The following ARID2 variants were observed in gnomAD, a reference collection of about 807,000 sequenced individuals.
ARID2 encodes the protein AT-rich interactive domain-containing protein 2.
Under a neutral mutation model 184.6 loss-of-function variants are expected in ARID2, and 32 were observed. The observed-to-expected ratio is 0.17, with a 90% CI of 0.13 to 0.23. The LOEUF is 0.23. Ranked by LOEUF, ARID2 falls within the 10% of genes least tolerant of loss-of-function variation. ARID2 has a pLI of 1.00. For synonymous variants in ARID2, 836 were observed against 772.6 expected, an observed-to-expected ratio of 1.08 and a Z score of -1.36; for missense variants, 1,696 against 2,197.6, an observed-to-expected ratio of 0.77 and a Z score of 4.56.
At chr12:45,889,654 G>A (rs952911893) in intron 16 of ARID2, among the ~76,000 whole-genome samples, 5 of 152,094 alleles carry the variant, frequency 3.3e-5, no homozygotes, top group Non-Finnish European at 2.9e-5. Flanking sequence ...CTCAGGTATC[G>A]GCCAGGCACG....
intron 16 of ARID2, among the ~76,000 whole-genome samples, chr12:45,889,852 C>T (rs557601370): frequency 2.6e-5 from 4 of 152,296 alleles, no homozygotes; most frequent in Non-Finnish European, 4.4e-5. Context: ...GCAGGAGAAT[C>T]GCTTGAACCC....
At chr12:45,789,813 T>C (rs1490007575) in intron 3 of ARID2, among the ~76,000 whole-genome samples, 5 of 152,170 alleles carry the variant, frequency 3.3e-5, no homozygotes. Flanking sequence ...CCAAGTAATA[T>C]ATTTTTTAAA....
intron 5 of ARID2, among the ~76,000 whole-genome samples, chr12:45,818,301 C>T (rs1195670356): frequency 6.6e-6 from 1 of 152,130 alleles, no homozygotes; most frequent in Non-Finnish European, 1.5e-5. Flanking sequence ...CAACGTAAGG[C>T]TTATCAAAGG....
At chr12:45,896,032 C>T (rs1171692774) in intron 20 of ARID2, among the ~76,000 whole-genome samples, 1 of 152,176 alleles carries the variant, frequency 6.6e-6, no homozygotes, top group Non-Finnish European at 1.5e-5. Context: ...AAGTATTCTA[C>T]AGATTCAGTG....
rs1422008879 is a variant in ARID2 at position 45,906,332 on chromosome 12, T to C, written c.*1254T>C. On this transcript the variant is annotated 3_prime_UTR_variant, in exon 21 of 21. Coordinates refer to ENST00000334344, the MANE Select transcript of ARID2 (RefSeq NM_152641.4). ...AAACTGCTCACTTCCTTAAATTGTC[T>C]TTTTTCCCCCAGCGTGAAATGTATC... 1 of 232,804 alleles carries C rather than the reference T, an allele frequency of 4.3e-6. No individual in the cohort carries two copies. The highest frequency in any genetic ancestry group is 5.6e-5 in the Admixed American group (1 of 17,746). The allele number at this position is 232,804 out of a possible 1,614,324, so 14.4% of individuals were successfully genotyped here.
intron 18 of ARID2, 119 bp from the exon 19 acceptor site, chr12:45,893,301 C>G: frequency 8.0e-7 from 1 of 1,254,706 alleles, no homozygotes; most frequent in Non-Finnish European, 1.1e-6. Context: ...CCTTTAGTCA[C>G]CCTGTAAACA....
At chr12:45,793,730 CAT>C (rs550416206) in intron 3 of ARID2, among the ~76,000 whole-genome samples, 1 of 150,186 alleles carries the variant, frequency 6.7e-6, no homozygotes. Flanking sequence ...AGATATTCTA[CAT>C]ATATATATAT....
Position 45,888,475 on chromosome 12 carries a change from C to T in ARID2, c.4923-3305C>T, listed in dbSNP as rs145571543. On this transcript the variant is annotated intron_variant, in intron 16 of 20. Coordinates refer to ENST00000334344, the MANE Select transcript of ARID2 (RefSeq NM_152641.4). ...GCCACTAACTTGAAGGTGGACCAAA[C>T]GTTACTTAGCAAAGCTTGGCAATTT... Among the ~76,000 whole-genome samples the T allele has an allele frequency of 7.2e-5, 11 of 152,246 alleles. No individual in the cohort carries two copies. The East Asian group carries it at 2.1e-3, about 29-fold the overall frequency.
rs773280858 is a variant in ARID2, at chr12:45,891,782, G to T, written c.4925G>T (p.Trp1642Leu). The change falls in exon 17 of 21, where the codon TGG becomes TTG. Residue 1642 changes from tryptophan (W) to leucine (L), a missense_variant and splice_region_variant. By Grantham distance (61) the Trp-to-Leu change is moderately conservative. Transcript: ENST00000334344. ...FMCLWQSCKK[W>L]FQTPSQVFYH... ...TCTACTACTTTTATTTTTTATAGGT[G>T]GTTTCAGACACCCTCACAGGTTTTC... The T allele has an allele frequency of 6.2e-7, 1 of 1,612,624 alleles. No individual in the cohort carries two copies. Among genetic ancestry groups the T allele is most frequent in the South Asian group, 1.1e-5 (1 of 90,572 alleles).
Position 45,807,693 on chromosome 12 carries a change from AAC to A in ARID2, c.285-3723_285-3722del, listed in dbSNP as rs527577061. Among the ~76,000 whole-genome samples the A allele has an allele frequency of 4.2e-4, 64 of 152,304 alleles. No individual in the cohort carries two copies. In the East Asian group the frequency reaches 0.012, roughly 29 times the overall value. ...TGTGGTTAGAAAATGTGCCCTATAT[AAC>A]ATATAATCTTAAATTTATTGTAGTT... On this transcript the variant is annotated intron_variant, in intron 3 of 20. Transcript: ENST00000334344.
chr12:45,886,837 G>A (rs1944201080), intron 16 of ARID2, among the ~76,000 whole-genome samples: 1 of 152,210 alleles, frequency 6.6e-6, no homozygotes, highest in South Asian at 2.1e-4. Flanking sequence ...AGGGCATCAA[G>A]TCCCTAGGCT....
chr12:45,729,769 G>A lies in ARID2; in HGVS notation c.-68G>A. ...AATGGGCTCCGGGCTCTGGTAGGAAGCGCTGGGAGCGGGGGGCGCTTTTAA... is the reference window on the plus strand; with the variant it reads ...AATGGGCTCCGGGCTCTGGTAGGAAACGCTGGGAGCGGGGGGCGCTTTTAA... On this transcript the variant is annotated 5_prime_UTR_variant, in exon 1 of 21. Transcript: ENST00000334344. 2.7e-6 allele frequency: 4 copies of A among 1,456,124 alleles called. No homozygotes were observed. Among genetic ancestry groups the A allele is most frequent in the Non-Finnish European group, 3.8e-6 (4 of 1,064,802 alleles). The allele number at this position is 1,456,124 out of a possible 1,614,324, so 90.2% of individuals were successfully genotyped here.
At position 45,850,380 on chromosome 12, in the gene ARID2, C is replaced by A. The variant is rs2138161405; in HGVS notation, c.2257C>A (p.Pro753Thr). Residue 753 changes from proline (P) to threonine (T), a missense_variant, in exon 15 of 21, where the codon CCT becomes ACT. Pro to Thr is a conservative substitution (Grantham distance 38). This residue lies in a region of ARID2 where 713 missense variants were observed against 824.4 expected (regional missense o/e 0.86). Transcript: ENST00000334344. Reference protein sequence around the residue: ...VVQNHSTGPQPVTVVNSQTLL... With the variant: ...VVQNHSTGPQTVTVVNSQTLL... ...TCAGAATCATAGTACAGGGCCACAACCTGTTACAGTTGTGAATTCTCAGAC... is the reference window on the plus strand; with the variant it reads ...TCAGAATCATAGTACAGGGCCACAAACTGTTACAGTTGTGAATTCTCAGAC... The A allele has an allele frequency of 6.2e-7, 1 of 1,614,070 alleles. No homozygotes were observed. Among genetic ancestry groups the A allele is most frequent in the Non-Finnish European group, 8.5e-7 (1 of 1,179,984 alleles).
intron 3 of ARID2, among the ~76,000 whole-genome samples, chr12:45,810,733 G>A (rs188735044): frequency 5.3e-5 from 8 of 152,216 alleles, no homozygotes; most frequent in Non-Finnish European, 1.0e-4. Context: ...TGAATTTGTA[G>A]AGGTCAAGGG....
chr12:45,873,916 A>C (rs1943966755), intron 16 of ARID2: 1 of 152,170 alleles, frequency 6.6e-6, no homozygotes, highest in Admixed American at 6.5e-5. Flanking sequence ...CAATTTCTTA[A>C]AATAAGGTAA....
rs980692773 is a variant in ARID2, at chr12:45,850,669, C to T, written c.2546C>T (p.Ala849Val). The T allele has an allele frequency of 6.2e-7, 1 of 1,614,038 alleles. No individual in the cohort carries two copies. The highest frequency in any genetic ancestry group is 8.5e-7 in the Non-Finnish European group (1 of 1,180,010). Reference sequence around the variant, plus strand: ...CAGTCACAAGATACTGTTATCATAGCACCCCCACAGTATGTAACAACTTCT... The same window carrying T: ...CAGTCACAAGATACTGTTATCATAGTACCCCCACAGTATGTAACAACTTCT... ...GSQSQDTVIIAPPQYVTTSAS... is the reference protein window; with the variant it reads ...GSQSQDTVIIVPPQYVTTSAS... The change falls in exon 15 of 21, where the codon GCA (alanine) becomes GTA (valine). Residue 849 changes from alanine to valine, a missense_variant. By Grantham distance (64) the Ala-to-Val change is moderately conservative (BLOSUM62 0). Transcript: ENST00000334344.
intron 16 of ARID2, among the ~76,000 whole-genome samples, chr12:45,864,334 C>G (rs2138196661): frequency 6.6e-6 from 1 of 151,954 alleles, no homozygotes; most frequent in Middle Eastern, 3.4e-3. Flanking sequence ...AAATTAATTC[C>G]CTTCAATATT....
At chr12:45,778,491 A>T (rs1403331384) in intron 3 of ARID2, among the ~76,000 whole-genome samples, 1 of 152,138 alleles carries the variant, frequency 6.6e-6, no homozygotes, top group Non-Finnish European at 1.5e-5. Context: ...TAGGTAGAGA[A>T]GGCAGAGAGA....
chr12:45,733,834 T>A (rs1286065036), intron 3 of ARID2, among the ~76,000 whole-genome samples: 1 of 152,238 alleles, frequency 6.6e-6, no homozygotes, highest in African/African-American at 2.4e-5. Flanking sequence ...AGACATTAAC[T>A]TAATTTTCTC....
Sources: gnomAD v4.1 joint callset for allele counts (sites outside exome capture counted in the v4.1 genomes callset) on GRCh38, gnomAD v4.1.1 for gene constraint, gnomAD v4.1.1 regional missense constraint, MANE v1.5 for transcripts, NCBI Gene and HGNC (gene_info 2026-07-23, HGNC 2026-07-21) for gene names.